The following CFAP61 variants were observed in gnomAD, a reference collection of about 807,000 sequenced individuals.
CFAP61 encodes the protein cilia- and flagella-associated protein 61.
CFAP61 carries 107 observed loss-of-function variants against 135.6 expected under a neutral mutation model. That is an observed-to-expected ratio of 0.79 (90% CI 0.67 to 0.93). The LOEUF (loss-of-function observed/expected upper bound fraction) is 0.93, where lower values mean the gene tolerates loss of function less well. CFAP61 is among the 40% of genes least tolerant of loss of function. The pLI, the probability that CFAP61 is intolerant of heterozygous loss-of-function variation, is 0.00. For synonymous variants in CFAP61, 575 were observed against 578.5 expected, an observed-to-expected ratio of 0.99 and a Z score of 0.09; for missense variants, 1,507 against 1,556.2, an observed-to-expected ratio of 0.97 and a Z score of 0.53.
chr20:20,345,683 G>A (rs921849569), intron 26 of CFAP61, among the ~76,000 whole-genome samples: 8 of 152,046 alleles, frequency 5.3e-5, no homozygotes, highest in African/African-American at 1.9e-4. Flanking sequence ...CACTCTGGGA[G>A]GACAAGGCAG....
chr20:20,336,126 C>T (rs1602071513), intron 25 of CFAP61, among the ~76,000 whole-genome samples: 1 of 152,222 alleles, frequency 6.6e-6, no homozygotes, highest in South Asian at 2.1e-4. Flanking sequence ...CAGCATGAAG[C>T]TATAATAGAA....
chr20:20,235,162 G>C (rs963029143), intron 18 of CFAP61, among the ~76,000 whole-genome samples: 2 of 152,050 alleles, frequency 1.3e-5, no homozygotes, highest in African/African-American at 4.8e-5. Flanking sequence ...ACGTTCCCTG[G>C]AGTCTGCAGA....
intron 17 of CFAP61, among the ~76,000 whole-genome samples, chr20:20,213,718 C>T (rs2047831301): frequency 6.6e-6 from 1 of 152,120 alleles, no homozygotes. Flanking sequence ...CCATCTGTTT[C>T]ATGTAATTAT....
chr20:20,187,770 A>G (rs2055617305), intron 13 of CFAP61, among the ~76,000 whole-genome samples, 160 bp from the exon 14 acceptor site: 1 of 152,224 alleles, frequency 6.6e-6, no homozygotes, highest in Admixed American at 6.5e-5. Flanking sequence ...TTCTATAATG[A>G]AATGAGTTAC....
At chr20:20,296,326 C>CTCT (rs2055556013) in intron 24 of CFAP61, among the ~76,000 whole-genome samples, 1 of 34,624 alleles carries the variant, frequency 2.9e-5, no homozygotes, top group Non-Finnish European at 6.0e-5. Context: ...CTCCTTCCTT[C>CTCT]CCTTCCTTCC....
chr20:20,292,448 A>G (rs1183414450), intron 24 of CFAP61, among the ~76,000 whole-genome samples: 1 of 152,214 alleles, frequency 6.6e-6, no homozygotes, highest in Non-Finnish European at 1.5e-5. Context: ...CTATTGCTGT[A>G]TAAAAAACAC....
intron 6 of CFAP61, 59 bp downstream of exon 6, chr20:20,075,674 A>G: frequency 6.3e-7 from 1 of 1,586,590 alleles, no homozygotes; most frequent in Non-Finnish European, 8.6e-7. Flanking sequence ...CATCTTCCCA[A>G]GACTCTTTAA....
intron 26 of CFAP61, among the ~76,000 whole-genome samples, chr20:20,354,051 C>T (rs2058950157): frequency 6.6e-6 from 1 of 152,008 alleles, no homozygotes; most frequent in South Asian, 2.1e-4. Flanking sequence ...TTCAAAATAG[C>T]CAGGACATGA....
At chr20:20,142,466 A>G (rs115199757) in intron 8 of CFAP61, among the ~76,000 whole-genome samples, 1 of 152,206 alleles carries the variant, frequency 6.6e-6, no homozygotes, top group East Asian at 1.9e-4. Flanking sequence ...GAGGAAGCTG[A>G]TAACCCATTG....
intron 26 of CFAP61, 120 bp from the exon 27 acceptor site, chr20:20,360,090 G>GA (rs960559789): frequency 3.5e-5 from 26 of 746,316 alleles, no homozygotes; most frequent in East Asian, 7.4e-5. Flanking sequence ...TCAAAAGCTA[G>GA]AAAAAAAATG....
intron 17 of CFAP61, among the ~76,000 whole-genome samples, chr20:20,212,115 T>C (rs540011708): frequency 2.8e-4 from 42 of 152,344 alleles, no homozygotes; most frequent in African/African-American, 9.4e-4. Flanking sequence ...TTGGTCACCG[T>C]GTGTTGGTAG....
In CFAP61 at chr20:20,341,859, C is replaced by T. The variant is rs867112318; in HGVS notation, c.3451C>T (p.Leu1151=). 1 of 1,613,784 alleles carries T rather than the reference C, an allele frequency of 6.2e-7. No individual in the cohort carries two copies. Among genetic ancestry groups the T allele is most frequent in the African/African-American group, 1.3e-5 (1 of 75,060 alleles). The change falls in exon 26 of 27, where the codon CTG becomes TTG. Residue 1151 remains leucine, a synonymous_variant. Transcript: ENST00000245957. ...SYFTEPWCLA[L]FHDRFIDLRK... ...CTTCACCGAGCCGTGGTGCCTGGCC[C>T]TGTTCCACGATCGTTTTATTGATCT...
At chr20:20,319,712 T>C (rs1455353005) in intron 25 of CFAP61, among the ~76,000 whole-genome samples, 2 of 152,196 alleles carry the variant, frequency 1.3e-5, no homozygotes, top group Non-Finnish European at 2.9e-5. Context: ...TTTATAGCAG[T>C]GCAAGAATGG....
intron 7 of CFAP61, among the ~76,000 whole-genome samples, chr20:20,092,295 A>C (rs2179683): frequency 0.74 from 112,805 of 152,154 alleles, 42,221 homozygotes; most frequent in East Asian, 0.99. Flanking sequence ...AAAATTATGA[A>C]AGTCTATGTA....
Position 20,327,777 on chromosome 20 carries a change from CAAAAAAAAAAAA to C in CFAP61, c.3423-14037_3423-14026del, listed in dbSNP as rs60171844. The stretch of plus-strand genomic sequence containing the variant: ...CCTGGGCAACAGAGCAAGAGCCTGT[CAAAAAAAAAAAA>C]AAAAAAAAAAAAAAAACAGAAGAAA... On this transcript the variant is annotated intron_variant, in intron 25 of 26. Coordinates refer to ENST00000245957, the MANE Select transcript of CFAP61 (RefSeq NM_015585.4). 2.5e-4 allele frequency among the ~76,000 whole-genome samples: 15 copies of C among 60,352 alleles called. 1 individual carries two copies. Among genetic ancestry groups the C allele is most frequent in the South Asian group, 2.5e-3 (3 of 1,224 alleles). 39.6% of individuals were successfully genotyped at this position (60,352 alleles called of 152,430 possible).
At chr20:20,314,408 A>C (rs1601957651) in intron 25 of CFAP61, among the ~76,000 whole-genome samples, 3 of 146,398 alleles carry the variant, frequency 2.0e-5, no homozygotes, top group East Asian at 4.2e-4. Flanking sequence ...AAAAAAAAAA[A>C]ATCAACATGA....
chr20:20,163,909 C>G (rs2053608225), intron 10 of CFAP61, 141 bp from the exon 11 acceptor site: 2 of 560,458 alleles, frequency 3.6e-6, no homozygotes, highest in Non-Finnish European at 3.0e-6. Flanking sequence ...AAAACCAGGC[C>G]TGGCCCAGGA....
At chr20:20,311,461 C>CA (rs2056822781) in intron 25 of CFAP61, among the ~76,000 whole-genome samples, 1 of 152,176 alleles carries the variant, frequency 6.6e-6, no homozygotes, top group Admixed American at 6.5e-5. Context: ...AGATGGGAAA[C>CA]AAAGAAGGTG....
At chr20:20,194,762 G>A (rs1239767545) in intron 15 of CFAP61, among the ~76,000 whole-genome samples, 2 of 152,190 alleles carry the variant, frequency 1.3e-5, no homozygotes, top group Non-Finnish European at 2.9e-5. Flanking sequence ...AGTACCAGCC[G>A]GCAGGCAGGG....
Sources: allele counts gnomAD v4.1 joint callset (sites outside exome capture counted in the v4.1 genomes callset), GRCh38; gene constraint gnomAD v4.1.1; transcripts MANE v1.5; gene names NCBI Gene and HGNC (gene_info 2026-07-23, HGNC 2026-07-21).